The following DOK1 variants were observed in gnomAD, a reference collection of about 807,000 sequenced individuals.
DOK1 encodes docking protein 1.
Under a neutral mutation model 24.0 loss-of-function variants are expected in DOK1, and 12 were observed. The observed-to-expected ratio is 0.50, with a 90% CI of 0.32 to 0.81. The LOEUF is 0.81. Among genes scored for constraint, DOK1 ranks in the 30% least tolerant of loss-of-function variants. The pLI, the probability that DOK1 is intolerant of heterozygous loss-of-function variation, is 0.03. For synonymous variants in DOK1, 250 were observed against 260.9 expected, an observed-to-expected ratio of 0.96 and a Z score of 0.40; for missense variants, 591 against 620.7, an observed-to-expected ratio of 0.95 and a Z score of 0.51.
chr2:74,554,770 A>C lies in DOK1; in HGVS notation c.16A>C (p.Met6Leu). 6.2e-7 allele frequency: 1 copy of C among 1,613,292 alleles called. No individual in the cohort carries two copies. Among genetic ancestry groups the C allele is most frequent in the Non-Finnish European group, 8.5e-7 (1 of 1,179,604 alleles). The change falls in exon 1 of 5, where the codon ATG becomes CTG. Residue 6 changes from methionine to leucine, a missense_variant. By Grantham distance (15) the Met-to-Leu change is conservative. Coordinates refer to ENST00000233668, the MANE Select transcript of DOK1 (RefSeq NM_001381.5). This position sits in a 1 kb window ranked among gnomAD's most constrained non-coding sequence, Gnocchi z 4.9. MDGAV[M>L]EGPLFLQSQR... Reference sequence around the variant, plus strand: ...GCCGGGGGCCATGGACGGAGCAGTGATGGAAGGGCCGCTTTTTTTGCAGAG... The same window carrying C: ...GCCGGGGGCCATGGACGGAGCAGTGCTGGAAGGGCCGCTTTTTTTGCAGAG...
Position 74,555,910 on chromosome 2 carries a change from A to C in DOK1, c.471A>C (p.Val157=). 3 of 1,606,164 alleles carry C rather than the reference A, an allele frequency of 1.9e-6. No homozygotes were observed. The highest frequency in any genetic ancestry group is 2.6e-6 in the Non-Finnish European group (3 of 1,176,014). ...SPTWEGSQFW[V]TVQRTEAAER... is the part of the protein sequence containing the mutation. ...GCCTTCCAGGATCCCAATTCTGGGT[A>C]ACGGTGCAGAGGACTGAGGCCGCCG... Residue 157 remains valine (V), a synonymous_variant, in exon 4 of 5, where the codon GTA becomes GTC. Transcript: ENST00000233668. This position sits in a 1 kb window ranked among gnomAD's most constrained non-coding sequence, Gnocchi z 6.1.
At chr2:74,552,688 T>G (rs1438768484), upstream of DOK1, 10 of 1,447,656 alleles carry the variant, frequency 6.9e-6, no homozygotes, top group East Asian at 2.3e-4. Flanking sequence ...AGAAACAGAT[T>G]GAGTGGGGCC....
At position 74,556,176 on chromosome 2, in the gene DOK1, T is replaced by C; in HGVS notation, c.639+98T>C. The C allele has an allele frequency of 6.5e-7, 1 of 1,530,064 alleles. No homozygotes were observed. The highest frequency in any genetic ancestry group is 8.8e-7 in the Non-Finnish European group (1 of 1,138,452). The allele number at this position is 1,530,064 out of a possible 1,614,324, so 94.8% of individuals were successfully genotyped here. ...AAGCTCTGACCTTTGGATCCCCCTT[T>C]CTTGCCTACCCGGTGACCCCGCGTC... On this transcript the variant is annotated intron_variant, in intron 4 of 4. Transcript: ENST00000233668. The surrounding 1 kb of genome is among the most constrained non-coding windows in gnomAD (Gnocchi z 4.1).
chr2:74,557,098 C>A lies in DOK1; in HGVS notation c.1430C>A (p.Ser477Ter). 2 of 1,609,498 alleles carry A rather than the reference C, an allele frequency of 1.2e-6. No homozygotes were observed. Among genetic ancestry groups the A allele is most frequent in the South Asian group, 2.2e-5 (2 of 90,956 alleles). ...GGGACTGACAAGACTGGGGTCAAGTCAGAGGGCTCTACCTGAGAAGGACGG... is the reference window on the plus strand; with the variant it reads ...GGGACTGACAAGACTGGGGTCAAGTAAGAGGGCTCTACCTGAGAAGGACGG... ...RVGTDKTGVKSEGST is the reference protein window; with the variant it reads ...RVGTDKTGVK Residue 477 changes from serine (S) to a stop codon, truncating the protein, a stop_gained, in exon 5 of 5, where the codon TCA (serine) becomes TAA (stop). Transcript: ENST00000233668. LOFTEE classifies it high-confidence loss of function.
chr2:74,551,577 C>T (rs1677015296), upstream of DOK1, among the ~76,000 whole-genome samples: 1 of 152,262 alleles, frequency 6.6e-6, no homozygotes, highest in Non-Finnish European at 1.5e-5. Context: ...GCAATTCCTC[C>T]TTGAAACTTG....
Position 74,555,307 on chromosome 2 carries a change from A to G in DOK1, c.214A>G (p.Ser72Gly). ...CKVIRLAECVSVAPVTVETPP... is the reference protein window; with the variant it reads ...CKVIRLAECVGVAPVTVETPP... ...AGTGATCCGTCTGGCTGAGTGTGTG[A>G]GTGTGGCCCCCGTCACCGTGGAGAC... Residue 72 changes from serine to glycine, a missense_variant, in exon 2 of 5, where the codon AGT becomes GGT. Coordinates refer to ENST00000233668, the MANE Select transcript of DOK1 (RefSeq NM_001381.5). This position sits in a 1 kb window ranked among gnomAD's most constrained non-coding sequence, Gnocchi z 6.1. 1 of 1,614,034 alleles carries G rather than the reference A, an allele frequency of 6.2e-7. No homozygotes were observed. Among genetic ancestry groups the G allele is most frequent in the Non-Finnish European group, 8.5e-7 (1 of 1,180,000 alleles).
At position 74,555,156 on chromosome 2, in the gene DOK1, G is replaced by A; in HGVS notation, c.63G>A (p.Arg21=). Residue 21 remains arginine (R), a splice_region_variant and synonymous_variant, in exon 2 of 5, where the codon AGG becomes AGA. Coordinates refer to ENST00000233668, the MANE Select transcript of DOK1 (RefSeq NM_001381.5). This position sits in a 1 kb window ranked among gnomAD's most constrained non-coding sequence, Gnocchi z 6.1. ...GAGCACTCTCTCTCTCTCCCTAGAG[G>A]TGGAGGAAGACCTGGGCCGTGCTCT... The part of the protein sequence containing the change: ...FLQSQRFGTK[R]WRKTWAVLYP... The A allele has an allele frequency of 1.9e-6, 3 of 1,611,110 alleles. No homozygotes were observed. In the East Asian group the frequency reaches 6.7e-5, roughly 36 times the overall value.
At chr2:74,551,712 T>TG (rs942771452), upstream of DOK1, among the ~76,000 whole-genome samples, 68 of 152,386 alleles carry the variant, frequency 4.5e-4, no homozygotes, top group African/African-American at 1.6e-3. Context: ...CAGTGGGAAC[T>TG]GGGGAATCAG....
chr2:74,550,143 T>C (rs1278364657), upstream of DOK1: 1 of 1,583,552 alleles, frequency 6.3e-7, no homozygotes, highest in African/African-American at 1.3e-5. Flanking sequence ...TACTCTCGGC[T>C]ATCCTGGGTA....
At chr2:74,554,555 C>T, upstream of DOK1, 2 of 601,282 alleles carry the variant, frequency 3.3e-6, no homozygotes, top group Admixed American at 6.0e-5. The surrounding 1 kb of genome is among the most constrained non-coding windows in gnomAD (Gnocchi z 4.9). Flanking sequence ...CGGGTAGGGG[C>T]CTGGGGTGCT....
Position 74,555,231 on chromosome 2 carries a change from G to A in DOK1, c.138G>A (p.Lys46=). 2 of 1,613,794 alleles carry A rather than the reference G, an allele frequency of 1.2e-6. No individual in the cohort carries two copies. Among genetic ancestry groups the A allele is most frequent in the South Asian group, 2.2e-5 (2 of 91,090 alleles). ...GVARLEFFDH[K]GSSSGGGRGS... is the part of the protein sequence containing the mutation. Reference sequence around the variant, plus strand: ...CGCGGCTCGAGTTCTTTGACCATAAGGGGTCGAGCTCTGGGGGTGGCCGAG... The same window carrying A: ...CGCGGCTCGAGTTCTTTGACCATAAAGGGTCGAGCTCTGGGGGTGGCCGAG... Residue 46 remains lysine (K), a synonymous_variant, in exon 2 of 5, where the codon AAG becomes AAA. Transcript: ENST00000233668. The surrounding 1 kb of genome is among the most constrained non-coding windows in gnomAD (Gnocchi z 6.1).
Position 74,555,174 on chromosome 2 carries a change from C to G in DOK1, c.81C>G (p.Ala27=), listed in dbSNP as rs777723974. ...FGTKRWRKTW[A]VLYPASPHGV... ...CCTAGAGGTGGAGGAAGACCTGGGC[C>G]GTGCTCTACCCGGCCAGTCCCCACG... The change falls in exon 2 of 5, where the codon GCC becomes GCG. Residue 27 remains alanine, a synonymous_variant. Transcript: ENST00000233668. The surrounding 1 kb of genome is among the most constrained non-coding windows in gnomAD (Gnocchi z 6.1). The G allele has an allele frequency of 8.1e-6, 13 of 1,612,742 alleles. No individual in the cohort carries two copies. In the South Asian group the frequency reaches 8.8e-5, roughly 11 times the overall value.
chr2:74,553,915 TG>T (rs1677194846), upstream of DOK1: 1 of 148,740 alleles, frequency 6.7e-6, no homozygotes, highest in Non-Finnish European at 1.5e-5. Context: ...AGAAGAGTGC[TG>T]GTCCTGGAGA....
chr2:74,555,306 G>T lies in DOK1; in HGVS notation c.213G>T (p.Val71=). The part of the protein sequence containing the change: ...DCKVIRLAEC[V]SVAPVTVETP... The stretch of plus-strand genomic sequence containing the variant: ...AAGTGATCCGTCTGGCTGAGTGTGT[G>T]AGTGTGGCCCCCGTCACCGTGGAGA... The change falls in exon 2 of 5, where the codon GTG becomes GTT. Residue 71 remains valine (V), a synonymous_variant. Transcript: ENST00000233668. The surrounding 1 kb of genome is among the most constrained non-coding windows in gnomAD (Gnocchi z 6.1). 1 of 1,614,106 alleles carries T rather than the reference G, an allele frequency of 6.2e-7. No homozygotes were observed. The highest frequency in any genetic ancestry group is 8.5e-7 in the Non-Finnish European group (1 of 1,180,016).
Position 74,555,549 on chromosome 2 carries a change from G to T in DOK1, c.361-26G>T, listed in dbSNP as rs774479122. 3 of 1,613,102 alleles carry T rather than the reference G, an allele frequency of 1.9e-6. No individual in the cohort carries two copies. In the South Asian group the frequency reaches 3.3e-5, roughly 18 times the overall value. ...CCCCGCTCCCCGCTGAGGAAATTAC[G>T]GGTTTCTCGATGCTCTCTACTACAG... On this transcript the variant is annotated intron_variant, in intron 2 of 4. Coordinates refer to ENST00000233668, the MANE Select transcript of DOK1 (RefSeq NM_001381.5). This position sits in a 1 kb window ranked among gnomAD's most constrained non-coding sequence, Gnocchi z 6.1.
Position 74,549,353 on chromosome 2 carries a change from GC to G in DOK1, c.-358+184del. ...CCAATCCCGGCCTGCTCCGCCCGGC[GC>G]CCGCGGCCCCTCACCTGTAGAAGGC... On this transcript the variant is annotated intron_variant, in intron 1 of 4. Transcript: ENST00000409429. This position sits in a 1 kb window ranked among gnomAD's most constrained non-coding sequence, Gnocchi z 5.3. The G allele has an allele frequency of 6.4e-7, 1 of 1,556,740 alleles. No individual in the cohort carries two copies. Among genetic ancestry groups the G allele is most frequent in the Non-Finnish European group, 8.7e-7 (1 of 1,149,038 alleles).
chr2:74,556,246 G>A lies in DOK1; in HGVS notation c.640-62G>A. Reference sequence around the variant, plus strand: ...CTTTGTAGATACCCTAACTAGTGCAGGCGTGTGACTCACTTCCTCTGATGG... The same window carrying A: ...CTTTGTAGATACCCTAACTAGTGCAAGCGTGTGACTCACTTCCTCTGATGG... On this transcript the variant is annotated intron_variant, in intron 4 of 4. Coordinates refer to ENST00000233668, the MANE Select transcript of DOK1 (RefSeq NM_001381.5). The surrounding 1 kb of genome is among the most constrained non-coding windows in gnomAD (Gnocchi z 4.1). 6.4e-7 allele frequency: 1 copy of A among 1,571,732 alleles called. No individual in the cohort carries two copies. Among genetic ancestry groups the A allele is most frequent in the Non-Finnish European group, 8.6e-7 (1 of 1,156,506 alleles).
At position 74,556,969 on chromosome 2, in the gene DOK1, G is replaced by C; in HGVS notation, c.1301G>C (p.Gly434Ala). Residue 434 changes from glycine to alanine, a missense_variant, in exon 5 of 5, where the codon GGT (glycine) becomes GCT (alanine). Gly to Ala is a moderately conservative substitution (Grantham distance 60). Coordinates refer to ENST00000233668, the MANE Select transcript of DOK1 (RefSeq NM_001381.5). This position sits in a 1 kb window ranked among gnomAD's most constrained non-coding sequence, Gnocchi z 4.1. Reference sequence around the variant, plus strand: ...CAGGGCCCAGCCTTCCCTGAACCTGGTACTGCAACTGGCAGTGGCATCAAA... The same window carrying C: ...CAGGGCCCAGCCTTCCCTGAACCTGCTACTGCAACTGGCAGTGGCATCAAA... ...KPQGPAFPEP[G>A]TATGSGIKSH... 1 of 1,614,152 alleles carries C rather than the reference G, an allele frequency of 6.2e-7. No homozygotes were observed. The highest frequency in any genetic ancestry group is 8.5e-7 in the Non-Finnish European group (1 of 1,180,024).
At chr2:74,554,718 G>A (rs377209805), upstream of DOK1, 1 of 1,596,786 alleles carries the variant, frequency 6.3e-7, no homozygotes, top group Admixed American at 1.7e-5. The surrounding 1 kb of genome is among the most constrained non-coding windows in gnomAD (Gnocchi z 4.9). Flanking sequence ...GCCTCCCGCC[G>A]CAGGGCCAGG....
Sources: allele counts gnomAD v4.1 joint callset (sites outside exome capture counted in the v4.1 genomes callset), GRCh38; gene constraint gnomAD v4.1.1; non-coding constraint Gnocchi (gnomAD v3.1); transcripts MANE v1.5; gene names NCBI Gene and HGNC (gene_info 2026-07-23, HGNC 2026-07-21).